The following LARP1 variants were observed in gnomAD, a reference collection of about 807,000 sequenced individuals.
LARP1 encodes La ribonucleoprotein 1, translational regulator, also known as la-related protein 1.
Under a neutral mutation model 122.7 loss-of-function variants are expected in LARP1, and 36 were observed. The observed-to-expected ratio is 0.29, with a 90% CI of 0.22 to 0.39. The LOEUF is 0.39. Ranked by LOEUF, LARP1 falls within the 10% of genes least tolerant of loss-of-function variation. The pLI, the probability that LARP1 is intolerant of heterozygous loss-of-function variation, is 1.00. For synonymous variants in LARP1, 539 were observed against 528.7 expected (o/e 1.02, Z -0.27); for missense variants, 1,040 against 1,403.6 (o/e 0.74, Z 4.14).
At chr5:154,806,157 C>A in intron 15 of LARP1, 125 bp downstream of exon 15, 2 of 1,036,508 alleles carry the variant, frequency 1.9e-6, no homozygotes, top group African/African-American at 1.6e-5. Flanking sequence ...AAAGACATGA[C>A]ATTATAGCAA....
intron 1 of LARP1, among the ~76,000 whole-genome samples, chr5:154,771,116 GAAAA>G (rs572179099): frequency 9.3e-6 from 1 of 108,026 alleles, no homozygotes; most frequent in Admixed American, 9.2e-5. Context: ...TGTCTCAAAA[GAAAA>G]AAAAAAAAAA....
chr5:154,753,548 A>G (rs1177573650), upstream of LARP1, among the ~76,000 whole-genome samples: 2 of 152,236 alleles, frequency 1.3e-5, no homozygotes, highest in Non-Finnish European at 2.9e-5. Context: ...TCATTGAGTA[A>G]CATTACCTTC....
chr5:154,706,347 A>T (rs554645444), intron 1 of LARP1, among the ~76,000 whole-genome samples: 19 of 151,250 alleles, frequency 1.3e-4, no homozygotes, highest in Non-Finnish European at 2.2e-4. Flanking sequence ...AATGTGGTAC[A>T]TATACACCAT....
chr5:154,783,267 T>C (rs2113730891), intron 1 of LARP1, among the ~76,000 whole-genome samples: 1 of 152,202 alleles, frequency 6.6e-6, no homozygotes, highest in South Asian at 2.1e-4. Flanking sequence ...GGAAGGAATG[T>C]CTCTTTCTTC....
At chr5:154,811,770 G>A in intron 18 of LARP1, 130 bp downstream of exon 18, 1 of 1,151,074 alleles carries the variant, frequency 8.7e-7, no homozygotes, top group East Asian at 2.4e-5. Flanking sequence ...CACAATTTGG[G>A]CTTTGCTTTT....
At chr5:154,699,476 A>T (rs1367302170) in intron 1 of LARP1, among the ~76,000 whole-genome samples, 1 of 133,310 alleles carries the variant, frequency 7.5e-6, no homozygotes, top group East Asian at 2.1e-4. Flanking sequence ...GCAACATAGC[A>T]AGACCCCTCT....
chr5:154,797,522 C>T (rs893933395), intron 8 of LARP1, among the ~76,000 whole-genome samples: 2 of 151,840 alleles, frequency 1.3e-5, no homozygotes, highest in Non-Finnish European at 2.9e-5. Context: ...CATGAGCTAC[C>T]GCGCCCGGCC....
At chr5:154,775,180 G>A (rs1755768573) in intron 1 of LARP1, among the ~76,000 whole-genome samples, 1 of 152,140 alleles carries the variant, frequency 6.6e-6, no homozygotes, top group Non-Finnish European at 1.5e-5. Flanking sequence ...AGCTAATTTA[G>A]TCACAGCTAC....
intron 1 of LARP1, among the ~76,000 whole-genome samples, chr5:154,689,811 T>C (rs1169474874): frequency 6.6e-6 from 1 of 152,022 alleles, no homozygotes; most frequent in Non-Finnish European, 1.5e-5. Flanking sequence ...GCGTGGTGGC[T>C]CACGCCTGTA....
At position 154,805,898 on chromosome 5, in the gene LARP1, G is replaced by A. The variant is rs1758738035; in HGVS notation, c.2564G>A (p.Gly855Glu). The A allele has an allele frequency of 6.2e-7, 1 of 1,613,982 alleles. No individual in the cohort carries two copies. Among genetic ancestry groups the A allele is most frequent in the Non-Finnish European group, 8.5e-7 (1 of 1,179,980 alleles). ...TTCTGTAGCTCCAGCCCCTCAGAAG[G>A]GACGCCTACAGTTGGCAGCTATGGC... is the stretch of plus-strand genomic sequence containing the variant. ...TASISSSPSE[G>E]TPTVGSYGCT... The change falls in exon 15 of 19, where the codon GGG becomes GAG. Residue 855 changes from glycine to glutamate, a missense_variant. Physicochemically the swap from Gly to Glu is moderately conservative, Grantham distance 98 (BLOSUM62 -2). This residue lies in a region of LARP1 where 26 missense variants were observed against 27.5 expected (regional missense o/e 0.94). Transcript: ENST00000518297.
intron 1 of LARP1, among the ~76,000 whole-genome samples, chr5:154,692,240 C>T (rs1331208817): frequency 6.6e-6 from 1 of 152,190 alleles, no homozygotes; most frequent in African/African-American, 2.4e-5. Context: ...TAAGGAAGTG[C>T]TTAGAGATGT....
chr5:154,764,487 G>A (rs965232208), intron 1 of LARP1, among the ~76,000 whole-genome samples: 8 of 145,914 alleles, frequency 5.5e-5, no homozygotes, highest in African/African-American at 2.0e-4. Flanking sequence ...TGTGGTCTGA[G>A]CTACTCTGGA....
chr5:154,793,114 C>T (rs1362687718), intron 4 of LARP1, among the ~76,000 whole-genome samples: 1 of 152,146 alleles, frequency 6.6e-6, no homozygotes, highest in African/African-American at 2.4e-5. Context: ...CTCCTGAATC[C>T]CTTCAGCTTG....
At chr5:154,786,344 A>T in intron 1 of LARP1, 1 of 396,998 alleles carries the variant, frequency 2.5e-6, no homozygotes, top group Non-Finnish European at 5.1e-6. Context: ...CCCGGCTGGT[A>T]TGCTTCATTT....
chr5:154,767,020 G>T (rs999658554), intron 1 of LARP1, among the ~76,000 whole-genome samples: 5 of 152,204 alleles, frequency 3.3e-5, no homozygotes, highest in South Asian at 2.1e-4. Flanking sequence ...TCAATTCAAA[G>T]TGAGGCTGAG....
At chr5:154,740,939 G>C (rs1266012905) in intron 1 of LARP1, among the ~76,000 whole-genome samples, 4 of 152,090 alleles carry the variant, frequency 2.6e-5, no homozygotes, top group African/African-American at 9.7e-5. Context: ...CTTGCCCCTG[G>C]GCTTCCAGAT....
rs1236193890 is a variant in LARP1 at position 154,718,908 on chromosome 5, A to G, written c.205+5778A>G. On this transcript the variant is annotated intron_variant, in intron 1 of 18. Transcript: ENST00000336314. ...GAGCCAGCCAATCTCCTTCTTACAC[A>G]GATATGAAAGCTGGTGTGGGAAGGG... Among the ~76,000 whole-genome samples, 3 of 152,194 alleles carry G rather than the reference A, an allele frequency of 2.0e-5. No individual in the cohort carries two copies. In the East Asian group the frequency reaches 5.8e-4, roughly 29 times the overall value.
rs572917649 is a variant in LARP1 at position 154,723,007 on chromosome 5, G to T, written c.205+9877G>T. Among the ~76,000 whole-genome samples the T allele has an allele frequency of 3.3e-5, 5 of 152,280 alleles. No homozygotes were observed. In the East Asian group the frequency reaches 9.6e-4, roughly 29 times the overall value. ...CTTTCCTAGGTTTTAACTCTTCTCTGCTTCAGACAAAAAAGTAAAGTCCAG... is the reference window on the plus strand; with the variant it reads ...CTTTCCTAGGTTTTAACTCTTCTCTTCTTCAGACAAAAAAGTAAAGTCCAG... On this transcript the variant is annotated intron_variant, in intron 1 of 18. Coordinates refer to the LARP1 transcript ENST00000336314.
intron 1 of LARP1, among the ~76,000 whole-genome samples, chr5:154,716,829 G>A (rs1464867514): frequency 6.6e-6 from 1 of 152,178 alleles, no homozygotes; most frequent in African/African-American, 2.4e-5. Context: ...CGGGGCTAAG[G>A]CAGGCAACTT....
Sources: gnomAD v4.1 joint callset for allele counts (sites outside exome capture counted in the v4.1 genomes callset) on GRCh38, gnomAD v4.1.1 for gene constraint, gnomAD v4.1.1 regional missense constraint, MANE v1.5 for transcripts, NCBI Gene and HGNC (gene_info 2026-07-23, HGNC 2026-07-21) for gene names.